Variants in ANKRD44 observed in about 807,000 individuals in gnomAD.
The protein encoded by ANKRD44 is serine/threonine-protein phosphatase 6 regulatory ankyrin repeat subunit B.
A neutral mutation model predicts 116.0 loss-of-function variants in ANKRD44; 35 were observed. The ratio of observed to expected loss-of-function variants is 0.30; its 90% CI spans 0.23 to 0.40. The LOEUF (loss-of-function observed/expected upper bound fraction) is 0.40, where lower values mean the gene tolerates loss of function less well. Ranked by LOEUF, ANKRD44 falls within the 10% of genes least tolerant of loss-of-function variation. The pLI, the probability that ANKRD44 is intolerant of heterozygous loss-of-function variation, is 1.00. For synonymous variants in ANKRD44, 435 were observed against 461.8 expected (o/e 0.94, Z 0.74); for missense variants, 1,014 against 1,242.6 (o/e 0.82, Z 2.77).
intron 21 of ANKRD44, among the ~76,000 whole-genome samples, chr2:197,002,170 T>A (rs2076125462): frequency 2.0e-5 from 3 of 152,238 alleles, no homozygotes; most frequent in Admixed American, 2.0e-4. Context: ...CTTCAATTTG[T>A]CCACATTTAT....
At chr2:197,173,595 T>C (rs2080292307) in intron 2 of ANKRD44, among the ~76,000 whole-genome samples, 2 of 152,212 alleles carry the variant, frequency 1.3e-5, no homozygotes, top group African/African-American at 2.4e-5. Flanking sequence ...GGTTTTCTAA[T>C]ATGGGAGACC....
chr2:197,162,455 T>G (rs980639195), intron 2 of ANKRD44, among the ~76,000 whole-genome samples: 1 of 152,174 alleles, frequency 6.6e-6, no homozygotes, highest in African/African-American at 2.4e-5. Context: ...CTGGCAGTGG[T>G]GCATTCCTGT....
chr2:197,083,571 C>G (rs1417548838), intron 13 of ANKRD44, 62 bp from the exon 14 acceptor site: 1 of 1,553,584 alleles, frequency 6.4e-7, no homozygotes, highest in African/African-American at 1.4e-5. Context: ...GTTGTTGGCA[C>G]TAGCACTGGC....
chr2:197,164,817 G>GT (rs2080067171), intron 2 of ANKRD44, among the ~76,000 whole-genome samples: 1 of 151,876 alleles, frequency 6.6e-6, no homozygotes, highest in Non-Finnish European at 1.5e-5. Flanking sequence ...GGGTTTTGAG[G>GT]GTTTTTTTTT....
intron 16 of ANKRD44, among the ~76,000 whole-genome samples, chr2:197,055,845 G>A (rs2077192601): frequency 6.6e-6 from 1 of 151,930 alleles, no homozygotes; most frequent in Non-Finnish European, 1.5e-5. Context: ...CTGTTCTTTT[G>A]ATGAGTTCAT....
At chr2:196,969,668 G>C (rs1429411100) in intron 21 of ANKRD44, among the ~76,000 whole-genome samples, 1 of 152,206 alleles carries the variant, frequency 6.6e-6, no homozygotes, top group Admixed American at 6.5e-5. Flanking sequence ...TTAATCAAAT[G>C]ACAGAATCAT....
At chr2:197,263,619 C>A (rs1405225443) in intron 1 of ANKRD44, 1 of 199,672 alleles carries the variant, frequency 5.0e-6, no homozygotes, top group East Asian at 1.3e-4. Context: ...CCCCAGATGG[C>A]CTGGGGAACA....
At chr2:196,990,779 C>G in intron 27 of ANKRD44, 1 of 1,232,162 alleles carries the variant, frequency 8.1e-7, no homozygotes, top group Non-Finnish European at 1.0e-6. Flanking sequence ...TGGAGAGGGT[C>G]GTCCTGCTCA....
chr2:197,218,216 A>G (rs531755225), intron 1 of ANKRD44, among the ~76,000 whole-genome samples: 1 of 152,314 alleles, frequency 6.6e-6, no homozygotes, highest in East Asian at 1.9e-4. Context: ...TTCCAATAGA[A>G]GGAATGAAAG....
At chr2:197,253,038 G>T (rs1438221041) in intron 1 of ANKRD44, among the ~76,000 whole-genome samples, 1 of 152,158 alleles carries the variant, frequency 6.6e-6, no homozygotes, top group Non-Finnish European at 1.5e-5. Context: ...GATGTTCCCT[G>T]AAGTATTCAG....
chr2:197,133,574 T>A (rs1322375512), intron 4 of ANKRD44, among the ~76,000 whole-genome samples: 1 of 152,216 alleles, frequency 6.6e-6, no homozygotes, highest in African/African-American at 2.4e-5. Context: ...TATAAACTTT[T>A]CAATGAAGAA....
At chr2:197,108,126 G>A (rs1269325787) in intron 9 of ANKRD44, among the ~76,000 whole-genome samples, 1 of 152,132 alleles carries the variant, frequency 6.6e-6, no homozygotes, top group African/African-American at 2.4e-5. Context: ...AAGCGTGGTG[G>A]TTGAGAGTTC....
In ANKRD44 at chr2:197,175,348, C is replaced by A. The variant is rs142633836; in HGVS notation, c.111+11675G>T. Among the ~76,000 whole-genome samples the A allele has an allele frequency of 6.2e-3, 948 of 152,238 alleles. 7 individuals are homozygous for A. The highest frequency in any genetic ancestry group is 8.8e-3 in the Non-Finnish European group (598 of 68,014). ...GCATGCCTGCTCAAACATGGAGTGT[C>A]CCCTGCTTGAAAGAGACAAGGTCAG... On this transcript the variant is annotated intron_variant, in intron 2 of 27. Transcript: ENST00000282272.
At chr2:197,137,301 A>G (rs1165292074) in intron 3 of ANKRD44, among the ~76,000 whole-genome samples, 1 of 152,208 alleles carries the variant, frequency 6.6e-6, no homozygotes, top group Non-Finnish European at 1.5e-5. Context: ...GCAGCAAGAG[A>G]AGTCAATTCT....
At chr2:197,015,468 C>T (rs189243523) in intron 17 of ANKRD44, 19 of 484,690 alleles carry the variant, frequency 3.9e-5, no homozygotes, top group African/African-American at 3.2e-4. Context: ...ATAGGCATAA[C>T]TTGGAAGTGA....
chr2:197,088,800 A>C (rs1212411590), intron 11 of ANKRD44, 26 bp from the exon 12 acceptor site: 1 of 1,611,822 alleles, frequency 6.2e-7, no homozygotes, highest in Non-Finnish European at 8.5e-7. Flanking sequence ...GCTCATTACT[A>C]AACAAGGATA....
At chr2:197,275,675 C>G (rs1454352952) in intron 1 of ANKRD44, among the ~76,000 whole-genome samples, 1 of 151,846 alleles carries the variant, frequency 6.6e-6, no homozygotes, top group East Asian at 1.9e-4. Context: ...GGTAGCACTG[C>G]CCCTACAGGC....
chr2:197,216,141 A>T (rs1456417481), intron 1 of ANKRD44, among the ~76,000 whole-genome samples: 1 of 152,228 alleles, frequency 6.6e-6, no homozygotes, highest in Non-Finnish European at 1.5e-5. Flanking sequence ...TGTGAGGATC[A>T]AAAGAGTAAC....
chr2:197,268,521 TC>T (rs1471484836), intron 1 of ANKRD44, among the ~76,000 whole-genome samples: 6 of 152,202 alleles, frequency 3.9e-5, no homozygotes, highest in African/African-American at 1.4e-4. Flanking sequence ...AGTATACTGT[TC>T]CCATTTTATA....
Sources: allele counts gnomAD v4.1 joint callset (sites outside exome capture counted in the v4.1 genomes callset), GRCh38; gene constraint gnomAD v4.1.1; transcripts MANE v1.5; gene names NCBI Gene and HGNC (gene_info 2026-07-23, HGNC 2026-07-21).